PSIP1: variants seen among roughly 807,000 people sequenced by gnomAD.
PSIP1 encodes PC4 and SRSF1 interacting protein 1, also known as PC4 and SFRS1-interacting protein.
In PSIP1, 19 loss-of-function variants were observed where a neutral mutation model predicts 74.7. The observed-to-expected ratio is 0.25, with a 90% CI of 0.18 to 0.37. The LOEUF (loss-of-function observed/expected upper bound fraction) is 0.37. Among genes scored for constraint, PSIP1 ranks in the 10% least tolerant of loss-of-function variants. The pLI, the probability that PSIP1 is intolerant of heterozygous loss-of-function variation, is 1.00. For synonymous variants in PSIP1, 222 were observed against 195.3 expected, an observed-to-expected ratio of 1.14 and a Z score of -1.14; for missense variants, 601 against 614.3, an observed-to-expected ratio of 0.98 and a Z score of 0.23.
chr9:15,485,982 T>A, intron 6 of PSIP1, 24 bp downstream of exon 6: 1 of 1,568,946 alleles, frequency 6.4e-7, no homozygotes, highest in South Asian at 1.1e-5. Flanking sequence ...CAGATCCCCA[T>A]GGTTGGTAAG....
rs536231076 is a variant in PSIP1 at position 15,488,845 on chromosome 9, C to G, written c.288+1141G>C. On this transcript the variant is annotated intron_variant, in intron 4 of 15. Coordinates refer to ENST00000380733, the MANE Select transcript of PSIP1 (RefSeq NM_033222.5). ...GACCATCCTGGCTAACACGGTGAAA[C>G]CCCGTCTCTACTAAAAATACAAAAA... 8.5e-5 allele frequency among the ~76,000 whole-genome samples: 13 copies of G among 152,214 alleles called. No individual in the cohort carries two copies. In the South Asian group the frequency reaches 2.7e-3, roughly 32 times the overall value.
rs990292772 is a variant in PSIP1 at position 15,510,907 on chromosome 9, G to A, written c.-232C>T. ...GCCACCTGCGCCACCAGCTGCCGCA[G>A]AGGCGTCTCAACGGCTCGGAATCGC... On this transcript the variant is annotated 5_prime_UTR_variant, in exon 1 of 16. Transcript: ENST00000380733. 2.0e-5 allele frequency: 3 copies of A among 152,636 alleles called. No homozygotes were observed. The highest frequency in any genetic ancestry group is 2.9e-5 in the Non-Finnish European group (2 of 68,186). The allele number at this position is 152,636 out of a possible 1,614,324, so 9.5% of individuals were successfully genotyped here.
At chr9:15,509,810 T>G (rs1367299304) in intron 2 of PSIP1, among the ~76,000 whole-genome samples, 1 of 152,236 alleles carries the variant, frequency 6.6e-6, no homozygotes, top group Non-Finnish European at 1.5e-5. Flanking sequence ...TAAACAAAAA[T>G]TCACTCTTCA....
intron 10 of PSIP1, chr9:15,471,447 T>G: frequency 7.0e-7 from 1 of 1,427,152 alleles, no homozygotes; most frequent in African/African-American, 1.4e-5. Context: ...TAAAGAAGGG[T>G]TGGGCTACAT....
chr9:15,480,153 CT>C (rs2036273193), intron 6 of PSIP1, among the ~76,000 whole-genome samples: 1 of 152,196 alleles, frequency 6.6e-6, no homozygotes, highest in Non-Finnish European at 1.5e-5. Context: ...CTCTAATGCC[CT>C]TTGATAACTG....
chr9:15,487,776 C>T (rs1403656837), intron 4 of PSIP1, among the ~76,000 whole-genome samples: 2 of 152,154 alleles, frequency 1.3e-5, no homozygotes, highest in Non-Finnish European at 2.9e-5. Context: ...CGTGTACATG[C>T]TGGGCACACA....
At chr9:15,502,724 A>G (rs1252561631) in intron 3 of PSIP1, among the ~76,000 whole-genome samples, 3 of 152,264 alleles carry the variant, frequency 2.0e-5, no homozygotes, top group African/African-American at 7.2e-5. Context: ...ATAACATGTA[A>G]TCAAGGATAA....
chr9:15,491,571 T>C (rs542731201), intron 3 of PSIP1, among the ~76,000 whole-genome samples: 19 of 149,356 alleles, frequency 1.3e-4, no homozygotes, highest in African/African-American at 2.6e-4. Flanking sequence ...TATACACAGA[T>C]AGTTCTTAAT....
At chr9:15,468,531 C>T (rs1420882963) in intron 14 of PSIP1, 99 bp downstream of exon 14, 7 of 1,270,954 alleles carry the variant, frequency 5.5e-6, no homozygotes, top group Middle Eastern at 1.9e-4. Context: ...TTTTCTGTGG[C>T]GTATACACAG....
intron 3 of PSIP1, among the ~76,000 whole-genome samples, chr9:15,502,497 C>T (rs2037394135): frequency 6.6e-6 from 1 of 152,210 alleles, no homozygotes; most frequent in Non-Finnish European, 1.5e-5. Context: ...CAGATTTGAA[C>T]TCCTGGGATC....
intron 8 of PSIP1, among the ~76,000 whole-genome samples, chr9:15,478,232 T>C (rs546410522): frequency 6.6e-6 from 1 of 152,150 alleles, no homozygotes; most frequent in Non-Finnish European, 1.5e-5. Flanking sequence ...ATATTTTATG[T>C]TGTATTATCT....
chr9:15,486,969 T>C (rs1281156017), intron 4 of PSIP1, 38 bp from the exon 5 acceptor site: 2 of 1,316,240 alleles, frequency 1.5e-6, no homozygotes, highest in Non-Finnish European at 2.1e-6. Flanking sequence ...AAAAAATAAG[T>C]TTTTATCCCA....
intron 4 of PSIP1, among the ~76,000 whole-genome samples, chr9:15,488,112 C>T (rs1251419357): frequency 1.3e-5 from 2 of 151,948 alleles, no homozygotes; most frequent in South Asian, 2.1e-4. Flanking sequence ...GGGTGGATCA[C>T]GAGGTCAGGA....
intron 6 of PSIP1, among the ~76,000 whole-genome samples, chr9:15,481,714 A>T (rs2132096117): frequency 6.6e-6 from 1 of 152,190 alleles, no homozygotes; most frequent in East Asian, 1.9e-4. Context: ...GGTAAAAGAG[A>T]TGGTTTTTAA....
At chr9:15,473,909 AAAAAACAAAAAAAAAAAC>A in intron 9 of PSIP1, 82 bp downstream of exon 9, 1 of 872,414 alleles carries the variant, frequency 1.1e-6, no homozygotes. Flanking sequence ...TCAAACAAAA[AAAAAACAAAAAAAAAAAC>A]AAAAAAAAAA....
At chr9:15,497,575 T>C (rs764597727) in intron 3 of PSIP1, among the ~76,000 whole-genome samples, 2 of 152,030 alleles carry the variant, frequency 1.3e-5, no homozygotes, top group Admixed American at 6.5e-5. Context: ...TCCGCCCACC[T>C]CGGCCTCCCA....
intron 6 of PSIP1, among the ~76,000 whole-genome samples, chr9:15,480,828 G>A (rs913683743): frequency 2.6e-5 from 4 of 152,172 alleles, no homozygotes; most frequent in African/African-American, 9.7e-5. Flanking sequence ...ACTGAGGCAG[G>A]AGAATTGCTG....
chr9:15,503,667 A>C (rs2037449357), intron 3 of PSIP1, among the ~76,000 whole-genome samples: 1 of 152,022 alleles, frequency 6.6e-6, no homozygotes. Context: ...CTCCAAAAAA[A>C]AAAAAACTTC....
At position 15,474,016 on chromosome 9, in the gene PSIP1, CCTT is replaced by C; in HGVS notation, c.848_850del (p.Glu283del). 1 of 1,610,892 alleles carries C rather than the reference CCTT, an allele frequency of 6.2e-7. No individual in the cohort carries two copies. Among genetic ancestry groups the C allele is most frequent in the African/African-American group, 1.3e-5 (1 of 74,652 alleles). ...TATATGTAAACTTTATACCTTTTCACCTTCTTGATCATCTCCTTCTTCTTCAGA... is the reference window on the plus strand; with the variant it reads ...TATATGTAAACTTTATACCTTTTCACCTTGATCATCTCCTTCTTCTTCAGA... On this transcript the variant is annotated inframe_deletion, in exon 9 of 16. Coordinates refer to ENST00000380733, the MANE Select transcript of PSIP1 (RefSeq NM_033222.5).
Sources: allele counts gnomAD v4.1 joint callset (sites outside exome capture counted in the v4.1 genomes callset), GRCh38; gene constraint gnomAD v4.1.1; transcripts MANE v1.5; gene names NCBI Gene and HGNC (gene_info 2026-07-23, HGNC 2026-07-21).